The following PLXNA1 variants were observed in gnomAD, a reference collection of about 807,000 sequenced individuals.
PLXNA1 encodes plexin-A1.
PLXNA1 carries 77 observed loss-of-function variants against 191.7 expected under a neutral mutation model. That is an observed-to-expected ratio of 0.40 (90% CI 0.33 to 0.49). The LOEUF is 0.49. Among genes scored for constraint, PLXNA1 ranks in the 20% least tolerant of loss-of-function variants. The probability of loss-of-function intolerance (pLI) is 0.63; values close to 1 mark genes in which losing one functional copy is unlikely to be tolerated. For synonymous variants in PLXNA1, 1,137 were observed against 1,156.4 expected, an observed-to-expected ratio of 0.98 and a Z score of 0.34; for missense variants, 2,110 against 2,660.2, an observed-to-expected ratio of 0.79 and a Z score of 4.55.
Position 127,027,996 on chromosome 3 carries a change from G to A in PLXNA1, c.4419G>A (p.Glu1473=), listed in dbSNP as rs751272487. 1 of 1,613,986 alleles carries A rather than the reference G, an allele frequency of 6.2e-7. No homozygotes were observed. Among genetic ancestry groups the A allele is most frequent in the Non-Finnish European group, 8.5e-7 (1 of 1,180,002 alleles). The part of the protein sequence containing the change: ...MLYCAIKQQM[E]KGPIDAITGE... ...ACTGCGCCATCAAGCAGCAGATGGA[G>A]AAGGGCCCCATTGACGCCATCACGG... is the stretch of plus-strand genomic sequence containing the variant. The change falls in exon 24 of 32, where the codon GAG becomes GAA. Residue 1473 remains glutamate (E), a synonymous_variant. Transcript: ENST00000393409.
rs752717809 is a variant in PLXNA1, at chr3:127,005,187, G to A, written c.1841G>A (p.Arg614Gln). ...TCTGAGAGCGTCCTGGAGGATGGCC[G>A]GATCCACTGCCGCTCACCCTCCGCC... The part of the protein sequence containing the change: ...TESESVLEDG[R>Q]IHCRSPSARE... Residue 614 changes from arginine to glutamine, a missense_variant, in exon 7 of 32, where the codon CGG becomes CAG. By Grantham distance (43) the Arg-to-Gln change is conservative. This residue lies in a region of PLXNA1 where 903 missense variants were observed against 1,015.7 expected (regional missense o/e 0.89). Transcript: ENST00000393409. 1.6e-5 allele frequency: 25 copies of A among 1,611,988 alleles called. No homozygotes were observed. The highest frequency in any genetic ancestry group is 7.7e-5 in the South Asian group (7 of 90,908).
Position 127,018,355 on chromosome 3 carries a change from T to C in PLXNA1, c.3722T>C (p.Leu1241Pro). 6.2e-7 allele frequency: 1 copy of C among 1,612,972 alleles called. No homozygotes were observed. The highest frequency in any genetic ancestry group is 8.5e-7 in the Non-Finnish European group (1 of 1,179,958). The change falls in exon 20 of 32, where the codon CTG becomes CCG. Residue 1241 changes from leucine to proline, a missense_variant. Physicochemically the swap from Leu to Pro is moderately conservative, Grantham distance 98 (BLOSUM62 -3). Transcript: ENST00000393409. The stretch of plus-strand genomic sequence containing the variant: ...CTGCAGGTGTACTCGGACAGCCTGC[T>C]GACGCTGCCTGCCATTGTGGGCATT... Reference protein sequence around the residue: ...GTLQVYSDSLLTLPAIVGIGG... With the variant: ...GTLQVYSDSLPTLPAIVGIGG...
In PLXNA1 at chr3:127,017,414, T is replaced by C. The variant is rs1373961611; in HGVS notation, c.3277-11T>C. 6.2e-7 allele frequency: 1 copy of C among 1,608,742 alleles called. No individual in the cohort carries two copies. The highest frequency in any genetic ancestry group is 2.2e-5 in the East Asian group (1 of 44,684). On this transcript the variant is annotated splice_polypyrimidine_tract_variant and intron_variant, in intron 17 of 31. Coordinates refer to ENST00000393409, the MANE Select transcript of PLXNA1 (RefSeq NM_032242.4). ...GAGGTCCCGCCCAGCATCCCCACCC[T>C]GTGTCTCCAGGGCTGCCTGGTGTAC...
chr3:127,033,646 G>C (rs2079223861), intron 31 of PLXNA1, among the ~76,000 whole-genome samples: 1 of 152,188 alleles, frequency 6.6e-6, no homozygotes, highest in Non-Finnish European at 1.5e-5. Flanking sequence ...AGAAACCCCA[G>C]GGTGTGAGGA....
At chr3:127,010,130 G>C (rs1367979203) in intron 9 of PLXNA1, among the ~76,000 whole-genome samples, 1 of 152,228 alleles carries the variant, frequency 6.6e-6, no homozygotes, top group Non-Finnish European at 1.5e-5. Flanking sequence ...TTCCCAGAGG[G>C]ACCTCCAGCC....
chr3:127,017,007 G>C lies in PLXNA1; in HGVS notation c.3246G>C (p.Arg1082=), dbSNP rs771015130. The change falls in exon 17 of 32, where the codon CGG becomes CGC. Residue 1082 remains arginine, a synonymous_variant. Coordinates refer to ENST00000393409, the MANE Select transcript of PLXNA1 (RefSeq NM_032242.4). ...NLATVREPRI[R]AKYGGIEREN... Reference sequence around the variant, plus strand: ...CCACTGTCCGTGAACCCCGAATCCGGGCCAAGTATGGAGGCATTGAGAGGG... The same window carrying C: ...CCACTGTCCGTGAACCCCGAATCCGCGCCAAGTATGGAGGCATTGAGAGGG... 10 of 1,613,468 alleles carry C rather than the reference G, an allele frequency of 6.2e-6. No homozygotes were observed. In the South Asian group the frequency reaches 7.7e-5, roughly 12 times the overall value.
chr3:127,005,058 C>G, intron 6 of PLXNA1, 32 bp from the exon 7 acceptor site: 1 of 1,610,498 alleles, frequency 6.2e-7, no homozygotes, highest in Non-Finnish European at 8.5e-7. Context: ...CCATGGGGAC[C>G]CTGCTCACCA....
intron 4 of PLXNA1, among the ~76,000 whole-genome samples, chr3:127,004,124 G>A (rs1360486900): frequency 6.6e-6 from 1 of 152,240 alleles, no homozygotes; most frequent in African/African-American, 2.4e-5. Context: ...CCCCTCCTGG[G>A]CGCAGTGGGG....
At chr3:127,031,531 C>T (rs1343437137) in intron 29 of PLXNA1, among the ~76,000 whole-genome samples, 1 of 152,206 alleles carries the variant, frequency 6.6e-6, no homozygotes, top group African/African-American at 2.4e-5. Flanking sequence ...CTTAGCTCCC[C>T]TCTCTCCTGG....
chr3:127,022,029 C>A, intron 21 of PLXNA1, 56 bp from the exon 22 acceptor site: 2 of 1,577,530 alleles, frequency 1.3e-6, no homozygotes, highest in South Asian at 2.3e-5. Flanking sequence ...CACTGGTCAG[C>A]TTGGGGGCTG....
chr3:127,022,168 G>C lies in PLXNA1; in HGVS notation c.4122G>C (p.Thr1374=). The C allele has an allele frequency of 6.2e-7, 1 of 1,613,298 alleles. No individual in the cohort carries two copies. The part of the protein sequence containing the change: ...KKHFLLTFIR[T]LEAQRSFSMR... ...ACTTCCTGCTGACCTTCATCCGCAC[G>C]CTGGAGGCACAGCGCAGCTTCTCCA... The change falls in exon 22 of 32, where the codon ACG becomes ACC. Residue 1374 remains threonine (T), a synonymous_variant. Coordinates refer to ENST00000393409, the MANE Select transcript of PLXNA1 (RefSeq NM_032242.4).
chr3:127,013,292 C>T (rs1375905014), intron 10 of PLXNA1, among the ~76,000 whole-genome samples: 1 of 148,196 alleles, frequency 6.7e-6, no homozygotes, highest in Admixed American at 6.7e-5. Context: ...ATTAATCTTC[C>T]CTTCAGCTGT....
At chr3:127,028,755 G>A (rs926735247) in intron 25 of PLXNA1, 1 of 572,660 alleles carries the variant, frequency 1.7e-6, no homozygotes, top group Non-Finnish European at 3.1e-6. Context: ...GGGGCCCTAA[G>A]GCTTGCGGAA....
intron 10 of PLXNA1, 88 bp downstream of exon 10, chr3:127,012,246 A>C: frequency 7.3e-7 from 1 of 1,371,568 alleles, no homozygotes; most frequent in South Asian, 1.3e-5. Context: ...GTGCTTGTTC[A>C]TAAAGGGCAG....
At position 127,032,522 on chromosome 3, in the gene PLXNA1, C is replaced by T. The variant is rs1264470940; in HGVS notation, c.5367C>T (p.His1789=). 2 of 1,614,074 alleles carry T rather than the reference C, an allele frequency of 1.2e-6. No individual in the cohort carries two copies. Among genetic ancestry groups the T allele is most frequent in the South Asian group, 2.2e-5 (2 of 91,076 alleles). ...TGGACTCCTGCTCCACCTCTGAGCA[C>T]AAGCTGGGCAAGGACTCACCCTCCA... is the stretch of plus-strand genomic sequence containing the variant. The part of the protein sequence containing the change: ...TFMDSCSTSE[H]KLGKDSPSNK... The change falls in exon 30 of 32, where the codon CAC becomes CAT. Residue 1789 remains histidine, a synonymous_variant. Coordinates refer to ENST00000393409, the MANE Select transcript of PLXNA1 (RefSeq NM_032242.4).
rs776195225 is a variant in PLXNA1 at position 127,017,568 on chromosome 3, C to A, written c.3420C>A (p.Asn1140Lys). The change falls in exon 18 of 32, where the codon AAC (asparagine) becomes AAA (lysine). Residue 1140 changes from asparagine (N) to lysine (K), a missense_variant. By Grantham distance (94) the Asn-to-Lys change is moderately conservative. This residue lies in a region of PLXNA1 where 644 missense variants were observed against 714.3 expected (regional missense o/e 0.90). Transcript: ENST00000393409. ...MDNVRSLLVL[N>K]STSFLYYPDP... ...ACGTGCGCTCCCTGCTTGTGCTCAA[C>A]TCCACCTCCTTCCTCTACTACCCTG... The A allele has an allele frequency of 6.2e-7, 1 of 1,613,804 alleles. No individual in the cohort carries two copies. The highest frequency in any genetic ancestry group is 8.5e-7 in the Non-Finnish European group (1 of 1,180,030).
At chr3:127,019,604 A>G (rs1264361250) in intron 20 of PLXNA1, among the ~76,000 whole-genome samples, 3 of 152,212 alleles carry the variant, frequency 2.0e-5, no homozygotes, top group Non-Finnish European at 2.9e-5. Context: ...TAAACCTGTC[A>G]GATGTCCCCC....
chr3:127,001,505 G>A (rs1409233660), intron 3 of PLXNA1, among the ~76,000 whole-genome samples: 1 of 152,208 alleles, frequency 6.6e-6, no homozygotes, highest in Non-Finnish European at 1.5e-5. Flanking sequence ...GCTTCACAGC[G>A]GGAAGCCGCT....
chr3:127,029,625 G>A lies in PLXNA1; in HGVS notation c.4870+89G>A. On this transcript the variant is annotated intron_variant, in intron 27 of 31. Transcript: ENST00000393409. Reference sequence around the variant, plus strand: ...CCGGGCTCCCACGCTGCAGCAGCCGGACGGGAGGACCCAGGGGCAGGTGTC... The same window carrying A: ...CCGGGCTCCCACGCTGCAGCAGCCGAACGGGAGGACCCAGGGGCAGGTGTC... 3.6e-6 allele frequency: 5 copies of A among 1,382,946 alleles called. 1 individual carries two copies. Among genetic ancestry groups the A allele is most frequent in the Non-Finnish European group, 5.1e-6 (5 of 975,314 alleles). 85.7% of individuals were successfully genotyped at this position (1,382,946 alleles called of 1,614,324 possible).
Sources: allele counts gnomAD v4.1 joint callset (sites outside exome capture counted in the v4.1 genomes callset), GRCh38; gene constraint gnomAD v4.1.1; regional missense constraint gnomAD v4.1.1; transcripts MANE v1.5; gene names NCBI Gene and HGNC (gene_info 2026-07-23, HGNC 2026-07-21).